The following ADAM30 variants were observed in gnomAD, a reference collection of about 807,000 sequenced individuals.
ADAM30 encodes ADAM metallopeptidase domain 30.
For missense variants in ADAM30, 960 were observed against 959.4 expected (o/e 1.00, Z -0.01); for synonymous variants, 382 against 340.9 (o/e 1.12, Z -1.33).
At position 119,895,326 on chromosome 1, in the gene ADAM30, A is replaced by G. The variant is rs1401694906; in HGVS notation, c.1011T>C (p.Ala337=). The stretch of plus-strand genomic sequence containing the variant: ...TTCCTACAGCATGACCCAGCTCATG[A>G]GCAGACCAGGTAGCAGGGGCAAGGA... ...TNILAPATWS[A]HELGHAVGMS... Residue 337 remains alanine, a synonymous_variant, in exon 1 of 1, where the codon GCT becomes GCC. Transcript: ENST00000369400. 1 of 1,614,174 alleles carries G rather than the reference A, an allele frequency of 6.2e-7. No homozygotes were observed. The highest frequency in any genetic ancestry group is 8.5e-7 in the Non-Finnish European group (1 of 1,180,034).
chr1:119,894,782 G>A lies in ADAM30; in HGVS notation c.1555C>T (p.Pro519Ser), dbSNP rs769559013. The change falls in exon 1 of 1, where the codon CCT (proline) becomes TCT (serine). Residue 519 changes from proline to serine, a missense_variant. By Grantham distance (74) the Pro-to-Ser change is moderately conservative (BLOSUM62 -1). Transcript: ENST00000369400. The part of the protein sequence containing the change: ...SIFGPDAMEA[P>S]SECYDAVNLI... ...TTAACTGCATCATAGCACTCACTAG[G>A]AGCCTCCATGGCATCAGGTCCAAAA... The A allele has an allele frequency of 6.8e-6, 11 of 1,613,960 alleles. No individual in the cohort carries two copies. The highest frequency in any genetic ancestry group is 9.3e-6 in the Non-Finnish European group (11 of 1,180,030).
Position 119,895,656 on chromosome 1 carries a change from T to A in ADAM30, c.681A>T (p.Ile227=), listed in dbSNP as rs756749170. The A allele has an allele frequency of 6.2e-7, 1 of 1,614,038 alleles. No homozygotes were observed. The highest frequency in any genetic ancestry group is 1.3e-5 in the African/African-American group (1 of 74,926). ...TCCCAGTCAAAAGAATGGCATCATG[T>A]ATGACTTGAGAAAGATTGTTGTTCA... ...RFVNNNLSQV[I]HDAILLTGIM... is the part of the protein sequence containing the mutation. Residue 227 remains isoleucine, a synonymous_variant, in exon 1 of 1, where the codon ATA becomes ATT. Coordinates refer to ENST00000369400, the MANE Select transcript of ADAM30 (RefSeq NM_021794.4).
rs1648491339 is a variant in ADAM30, at chr1:119,893,859, A to T, written c.*105T>A. ...TTTGCTGATCAAAACTTGTGGGAAA[A>T]ATTAAAGTAAAAAAATATTGGGAGA... On this transcript the variant is annotated 3_prime_UTR_variant, in exon 1 of 1. Transcript: ENST00000369400. 3 of 1,513,058 alleles carry T rather than the reference A, an allele frequency of 2.0e-6. No individual in the cohort carries two copies. In the East Asian group the frequency reaches 6.8e-5, roughly 34 times the overall value. The allele number at this position is 1,513,058 out of a possible 1,614,324, so 93.7% of individuals were successfully genotyped here.
Position 119,893,840 on chromosome 1 carries a change from G to A in ADAM30, c.*124C>T. 2.0e-6 allele frequency: 3 copies of A among 1,500,070 alleles called. No individual in the cohort carries two copies. The South Asian group carries it at 4.2e-5, about 21-fold the overall frequency. 92.9% of individuals were successfully genotyped at this position (1,500,070 alleles called of 1,614,324 possible). A position where few individuals can be genotyped will look rare whatever the true frequency, so the allele number is the denominator to read the frequency against. Reference sequence around the variant, plus strand: ...AAAACAAGAATGCTGTTTATTTGCTGATCAAAACTTGTGGGAAAAATTAAA... The same window carrying A: ...AAAACAAGAATGCTGTTTATTTGCTAATCAAAACTTGTGGGAAAAATTAAA... On this transcript the variant is annotated 3_prime_UTR_variant, in exon 1 of 1. Coordinates refer to ENST00000369400, the MANE Select transcript of ADAM30 (RefSeq NM_021794.4).
rs983558313 is a variant in ADAM30 at position 119,894,874 on chromosome 1, G to A, written c.1463C>T (p.Pro488Leu). ...GAAACAACGGCCTTCATACTTGCAA[G>A]GGGTTCCATCCTGCTTATAAACGTC... Reference protein sequence around the residue: ...PNDVYKQDGTPCKYEGRCFRK... With the variant: ...PNDVYKQDGTLCKYEGRCFRK... The change falls in exon 1 of 1, where the codon CCT becomes CTT. Residue 488 changes from proline to leucine, a missense_variant. Pro to Leu is a moderately conservative substitution (Grantham distance 98). Transcript: ENST00000369400. 1 of 1,614,158 alleles carries A rather than the reference G, an allele frequency of 6.2e-7. No individual in the cohort carries two copies. Among genetic ancestry groups the A allele is most frequent in the East Asian group, 2.2e-5 (1 of 44,890 alleles).
chr1:119,895,469 A>G lies in ADAM30; in HGVS notation c.868T>C (p.Ser290Pro), dbSNP rs1277994418. 1 of 1,613,970 alleles carries G rather than the reference A, an allele frequency of 6.2e-7. No homozygotes were observed. The highest frequency in any genetic ancestry group is 8.5e-7 in the Non-Finnish European group (1 of 1,180,012). ...KKSVLNARLS[S>P]DWAHLYLQRK... ...TGAAGATATAAATGTGCCCAATCTG[A>G]TGACAGGCGAGCATTTAATACACTT... Residue 290 changes from serine to proline, a missense_variant, in exon 1 of 1, where the codon TCA becomes CCA. Coordinates refer to ENST00000369400, the MANE Select transcript of ADAM30 (RefSeq NM_021794.4).
In ADAM30 at chr1:119,894,297, C is replaced by T. The variant is rs765910510; in HGVS notation, c.2040G>A (p.Gly680=). The change falls in exon 1 of 1, where the codon GGG becomes GGA. Residue 680 remains glycine, a synonymous_variant. Coordinates refer to ENST00000369400, the MANE Select transcript of ADAM30 (RefSeq NM_021794.4). ...IDSGPPGLLR[G]AIPSSIWVVS... ...CAACCCAAATTGACGAGGGAATCGC[C>T]CCTCTGAGCAGTCCTGGAGGCCCAC... The T allele has an allele frequency of 6.8e-6, 11 of 1,614,022 alleles. No individual in the cohort carries two copies. Among genetic ancestry groups the T allele is most frequent in the Non-Finnish European group, 9.3e-6 (11 of 1,180,030 alleles).
In ADAM30 at chr1:119,894,527, C is replaced by T. The variant is rs771783682; in HGVS notation, c.1810G>A (p.Gly604Ser). The T allele has an allele frequency of 1.5e-5, 24 of 1,613,896 alleles. 1 individual carries two copies. In the African/African-American group the frequency reaches 2.7e-4, roughly 18 times the overall value. The change falls in exon 1 of 1, where the codon GGT (glycine) becomes AGT (serine). Residue 604 changes from glycine to serine, a missense_variant. Gly to Ser is a moderately conservative substitution (Grantham distance 56). Coordinates refer to ENST00000369400, the MANE Select transcript of ADAM30 (RefSeq NM_021794.4). ...CAGGAGGTGCCATCATTTATCATAC[C>T]TAGGTCAGGTATTCCCATGGGTTTC... ...SMKPMGIPDL[G>S]MINDGTSCGE...
At position 119,895,370 on chromosome 1, in the gene ADAM30, T is replaced by A. The variant is rs1648551341; in HGVS notation, c.967A>T (p.Thr323Ser). The change falls in exon 1 of 1, where the codon ACT becomes TCT. Residue 323 changes from threonine (T) to serine (S), a missense_variant. Transcript: ENST00000369400. ...CSLEYAGSVS[T>S]LLDTNILAPA... is the part of the protein sequence containing the mutation. ...GCAAGGATATTTGTATCTAGTAAAG[T>A]ACTCACTGATCCAGCATATTCTAGA... 6.2e-7 allele frequency: 1 copy of A among 1,614,194 alleles called. No individual in the cohort carries two copies. Among genetic ancestry groups the A allele is most frequent in the Non-Finnish European group, 8.5e-7 (1 of 1,180,030 alleles).
chr1:119,893,832 T>C lies in ADAM30; in HGVS notation c.*132A>G. 1 of 1,492,192 alleles carries C rather than the reference T, an allele frequency of 6.7e-7. No individual in the cohort carries two copies. The highest frequency in any genetic ancestry group is 8.9e-7 in the Non-Finnish European group (1 of 1,125,208). 92.4% of individuals were successfully genotyped at this position (1,492,192 alleles called of 1,614,324 possible). A position where few individuals can be genotyped will look rare whatever the true frequency, so the allele number is the denominator to read the frequency against. On this transcript the variant is annotated 3_prime_UTR_variant, in exon 1 of 1. Transcript: ENST00000369400. ...TTGTTTCCAAAACAAGAATGCTGTT[T>C]ATTTGCTGATCAAAACTTGTGGGAA...
chr1:119,894,236 G>A lies in ADAM30; in HGVS notation c.2101C>T (p.Leu701Phe). 1 of 1,614,108 alleles carries A rather than the reference G, an allele frequency of 6.2e-7. No individual in the cohort carries two copies. The highest frequency in any genetic ancestry group is 8.5e-7 in the Non-Finnish European group (1 of 1,180,022). Residue 701 changes from leucine (L) to phenylalanine (F), a missense_variant, in exon 1 of 1, where the codon CTT becomes TTT. Physicochemically the swap from Leu to Phe is conservative, Grantham distance 22 (BLOSUM62 0). Transcript: ENST00000369400. ...CGGAAAAACACAAAAACCACTGAAA[G>A]GATTAATAAAATAAGGCGAAACATT... ...IIMFRLILLI[L>F]SVVFVFFRQV... is the part of the protein sequence containing the mutation.
rs773033316 is a variant in ADAM30 at position 119,894,783 on chromosome 1, A to C, written c.1554T>G (p.Ala518=). The C allele has an allele frequency of 2.5e-6, 4 of 1,614,116 alleles. No homozygotes were observed. The African/African-American group carries it at 5.3e-5, about 22-fold the overall frequency. ...QSIFGPDAME[A]PSECYDAVNL... ...TAACTGCATCATAGCACTCACTAGGAGCCTCCATGGCATCAGGTCCAAAAA... is the reference window on the plus strand; with the variant it reads ...TAACTGCATCATAGCACTCACTAGGCGCCTCCATGGCATCAGGTCCAAAAA... Residue 518 remains alanine, a synonymous_variant, in exon 1 of 1, where the codon GCT becomes GCG. Transcript: ENST00000369400.
At position 119,895,050 on chromosome 1, in the gene ADAM30, T is replaced by C; in HGVS notation, c.1287A>G (p.Ser429=). 6.2e-7 allele frequency: 1 copy of C among 1,614,208 alleles called. No homozygotes were observed. The highest frequency in any genetic ancestry group is 8.5e-7 in the Non-Finnish European group (1 of 1,180,044). ...EECQKDRCCQ[S]NCKLQPGANC... ...TGGCACCTGGTTGCAACTTACAATT[T>C]GATTGGCAACACCGATCTTTCTGAC... is the stretch of plus-strand genomic sequence containing the variant. The change falls in exon 1 of 1, where the codon TCA becomes TCG. Residue 429 remains serine, a synonymous_variant. Coordinates refer to ENST00000369400, the MANE Select transcript of ADAM30 (RefSeq NM_021794.4).
chr1:119,895,093 C>G lies in ADAM30; in HGVS notation c.1244G>C (p.Cys415Ser). The change falls in exon 1 of 1, where the codon TGT becomes TCT. Residue 415 changes from cysteine to serine, a missense_variant. Transcript: ENST00000369400. Reference protein sequence around the residue: ...KIVEDNEECDCGSTEECQKDR... With the variant: ...KIVEDNEECDSGSTEECQKDR... ...TTTCTGACACTCCTCTGTGGAACCA[C>G]AGTCACATTCCTCATTGTCCTCCAC... 6.2e-7 allele frequency: 1 copy of G among 1,614,202 alleles called. No individual in the cohort carries two copies. Among genetic ancestry groups the G allele is most frequent in the Non-Finnish European group, 8.5e-7 (1 of 1,180,042 alleles).
rs1377717601 is a variant in ADAM30, at chr1:119,894,824, T to G, written c.1513A>C (p.Met505Leu). 1 of 1,614,234 alleles carries G rather than the reference T, an allele frequency of 6.2e-7. No individual in the cohort carries two copies. The change falls in exon 1 of 1, where the codon ATG (methionine) becomes CTG (leucine). Residue 505 changes from methionine (M) to leucine (L), a missense_variant. Physicochemically the swap from Met to Leu is conservative, Grantham distance 15. Coordinates refer to ENST00000369400, the MANE Select transcript of ADAM30 (RefSeq NM_021794.4). ...GGTCCAAAAATGCTTTGGCACTGCA[T>G]ATATCTGGATCTGCACCCCTTCCTG... is the stretch of plus-strand genomic sequence containing the variant. ...CFRKGCRSRYMQCQSIFGPDA... is the reference protein window; with the variant it reads ...CFRKGCRSRYLQCQSIFGPDA...
chr1:119,894,118 A>C lies in ADAM30; in HGVS notation c.2219T>G (p.Val740Gly), dbSNP rs61757468. Reference sequence around the variant, plus strand: ...AGTTTTTGTTTTAGATTCTTCCTGTACAGTTTTTGTTTTAGATTCTTCCTG... The same window carrying C: ...AGTTTTTGTTTTAGATTCTTCCTGTCCAGTTTTTGTTTTAGATTCTTCCTG... ...TEQEESKTKT[V>G]QEESKTKTGQ... Residue 740 changes from valine to glycine, a missense_variant, in exon 1 of 1, where the codon GTA (valine) becomes GGA (glycine). Physicochemically the swap from Val to Gly is moderately radical, Grantham distance 109. Coordinates refer to ENST00000369400, the MANE Select transcript of ADAM30 (RefSeq NM_021794.4). 50 of 1,612,780 alleles carry C rather than the reference A, an allele frequency of 3.1e-5. No individual in the cohort carries two copies. In the African/African-American group the frequency reaches 5.5e-4, roughly 18 times the overall value.
In ADAM30 at chr1:119,894,498, T is replaced by C; in HGVS notation, c.1839A>G (p.Gly613=). Residue 613 remains glycine (G), a synonymous_variant, in exon 1 of 1, where the codon GGA becomes GGG. Coordinates refer to ENST00000369400, the MANE Select transcript of ADAM30 (RefSeq NM_021794.4). ...TTTTTTTAAAACATACCCGGCCTTCTCCACAGGAGGTGCCATCATTTATCA... is the reference window on the plus strand; with the variant it reads ...TTTTTTTAAAACATACCCGGCCTTCCCCACAGGAGGTGCCATCATTTATCA... ...LGMINDGTSC[G]EGRVCFKKNC... is the part of the protein sequence containing the mutation. The C allele has an allele frequency of 6.2e-7, 1 of 1,614,068 alleles. No homozygotes were observed. Among genetic ancestry groups the C allele is most frequent in the Non-Finnish European group, 8.5e-7 (1 of 1,180,036 alleles).
In ADAM30 at chr1:119,894,810, G is replaced by A; in HGVS notation, c.1527C>T (p.Ser509=). 3 of 1,614,184 alleles carry A rather than the reference G, an allele frequency of 1.9e-6. No homozygotes were observed. Among genetic ancestry groups the A allele is most frequent in the Non-Finnish European group, 2.5e-6 (3 of 1,180,030 alleles). The change falls in exon 1 of 1, where the codon AGC becomes AGT. Residue 509 remains serine (S), a synonymous_variant. Transcript: ENST00000369400. ...GCRSRYMQCQ[S]IFGPDAMEAP... ...CCTCCATGGCATCAGGTCCAAAAAT[G>A]CTTTGGCACTGCATATATCTGGATC...
At position 119,895,212 on chromosome 1, in the gene ADAM30, A is replaced by G. The variant is rs587701025; in HGVS notation, c.1125T>C (p.Tyr375=). The change falls in exon 1 of 1, where the codon TAT becomes TAC. Residue 375 remains tyrosine (Y), a synonymous_variant. Transcript: ENST00000369400. The part of the protein sequence containing the change: ...SGRTGFSNCS[Y]ISFFKHISSG... ...AAGAGATATGTTTAAAAAAAGAGAT[A>G]TAACTGCAATTGCTAAACCCAGTGC... 5.6e-5 allele frequency: 90 copies of G among 1,614,242 alleles called. 1 individual carries two copies. In the South Asian group the frequency reaches 8.8e-4, roughly 16 times the overall value.
Sources: allele counts gnomAD v4.1 joint callset, GRCh38; gene constraint gnomAD v4.1.1; transcripts MANE v1.5; gene names NCBI Gene and HGNC (gene_info 2026-07-23, HGNC 2026-07-21).